The following KANK4 variants were observed in gnomAD, a reference collection of about 807,000 sequenced individuals.
The protein encoded by KANK4 is KN motif and ankyrin repeat domains 4.
Under a neutral mutation model 80.8 loss-of-function variants are expected in KANK4, and 50 were observed. The observed-to-expected ratio is 0.62, with a 90% CI of 0.49 to 0.78. KANK4 has a LOEUF of 0.78. KANK4 is among the 30% of genes least tolerant of loss of function. KANK4 has a pLI of 0.00. For missense variants in KANK4, 1,196 were observed against 1,240.1 expected, an observed-to-expected ratio of 0.96 and a Z score of 0.53; for synonymous variants, 465 against 506.9, an observed-to-expected ratio of 0.92 and a Z score of 1.11.
intron 1 of KANK4, among the ~76,000 whole-genome samples, 185 bp from the exon 2 acceptor site, chr1:62,281,819 T>C (rs535803424): frequency 1.3e-5 from 2 of 152,322 alleles, no homozygotes; most frequent in African/African-American, 2.4e-5. Context: ...TTCTGGGTGT[T>C]TCTTCATGGA....
At chr1:62,312,974 T>TC (rs397860819) in intron 1 of KANK4, among the ~76,000 whole-genome samples, 1 of 64,894 alleles carries the variant, frequency 1.5e-5, no homozygotes. Flanking sequence ...ATACAGTGGT[T>TC]CCCCCCCAAA....
At chr1:62,316,167 C>T (rs1399403189) in intron 1 of KANK4, among the ~76,000 whole-genome samples, 1 of 152,244 alleles carries the variant, frequency 6.6e-6, no homozygotes, top group African/African-American at 2.4e-5. Flanking sequence ...CAGTCTGGCC[C>T]ACATGGCCCA....
At chr1:62,318,255 A>G (rs1045153541) in intron 1 of KANK4, among the ~76,000 whole-genome samples, 5 of 152,152 alleles carry the variant, frequency 3.3e-5, no homozygotes, top group Non-Finnish European at 7.3e-5. Flanking sequence ...TTTGCCCTAA[A>G]GGCTTGCACT....
At chr1:62,301,243 G>A (rs772977803) in intron 1 of KANK4, among the ~76,000 whole-genome samples, 2 of 152,028 alleles carry the variant, frequency 1.3e-5, no homozygotes, top group African/African-American at 2.4e-5. Flanking sequence ...TCACAGATGG[G>A]GAGACTGGGA....
At chr1:62,290,486 A>G (rs188074771) in intron 1 of KANK4, among the ~76,000 whole-genome samples, 50 of 152,278 alleles carry the variant, frequency 3.3e-4, no homozygotes, top group Non-Finnish European at 5.9e-4. Flanking sequence ...AGCTCAGTAC[A>G]CCGTGTGAAG....
intron 1 of KANK4, among the ~76,000 whole-genome samples, chr1:62,288,192 A>G (rs920713977): frequency 6.6e-6 from 1 of 152,200 alleles, no homozygotes; most frequent in African/African-American, 2.4e-5. Flanking sequence ...TTTATCCACA[A>G]GAACTTTCCT....
At chr1:62,275,874 AAGGAAGGG>A (rs1557491757) in intron 2 of KANK4, among the ~76,000 whole-genome samples, 1 of 133,074 alleles carries the variant, frequency 7.5e-6, no homozygotes, top group Non-Finnish European at 1.6e-5. Flanking sequence ...GGAAGGGAGG[AAGGAAGGG>A]AGGAAGGAAG....
chr1:62,266,867 G>A (rs1441789508), intron 5 of KANK4, 48 bp from the exon 6 acceptor site: 1 of 1,204,462 alleles, frequency 8.3e-7, no homozygotes, highest in Admixed American at 1.9e-5. Flanking sequence ...TCATTTTCAA[G>A]TTGATAAACA....
chr1:62,250,314 A>T (rs1671582735), intron 8 of KANK4, among the ~76,000 whole-genome samples: 1 of 152,206 alleles, frequency 6.6e-6, no homozygotes, highest in African/African-American at 2.4e-5. Flanking sequence ...GCCAGATGAC[A>T]TATGCAGATG....
intron 2 of KANK4, among the ~76,000 whole-genome samples, chr1:62,279,191 A>AGCGCGCGCGC (rs766521694): frequency 7.2e-5 from 10 of 139,432 alleles, no homozygotes; most frequent in South Asian, 4.7e-4. Flanking sequence ...TTCCTAAGCT[A>AGCGCGCGCGC]GCGCGCGCAC....
At chr1:62,296,541 G>GT (rs1644365902) in intron 1 of KANK4, among the ~76,000 whole-genome samples, 1 of 152,068 alleles carries the variant, frequency 6.6e-6, no homozygotes, top group Non-Finnish European at 1.5e-5. Flanking sequence ...ATTTTTGGTG[G>GT]TTTTTTTGGT....
At chr1:62,291,300 T>C (rs999102642) in intron 1 of KANK4, among the ~76,000 whole-genome samples, 11 of 152,366 alleles carry the variant, frequency 7.2e-5, no homozygotes, top group Non-Finnish European at 1.5e-4. Context: ...TGTTGCTGTG[T>C]TGTACAAGTT....
At chr1:62,289,331 T>C (rs760192769) in intron 1 of KANK4, among the ~76,000 whole-genome samples, 2 of 152,196 alleles carry the variant, frequency 1.3e-5, no homozygotes, top group African/African-American at 4.8e-5. Context: ...TTTGAATCCA[T>C]GTTTTTCTGA....
At position 62,236,593 on chromosome 1, in the gene KANK4, ATTTT is replaced by A. The variant is rs11449212; in HGVS notation, c.*1680_*1683del. Among the ~76,000 whole-genome samples the A allele has an allele frequency of 9.6e-5, 12 of 124,390 alleles. No homozygotes were observed. Among genetic ancestry groups the A allele is most frequent in the Admixed American group, 1.8e-4 (2 of 11,314 alleles). 81.6% of individuals were successfully genotyped at this position (124,390 alleles called of 152,430 possible). On this transcript the variant is annotated 3_prime_UTR_variant, in exon 10 of 10. Transcript: ENST00000371153. ...ATGGCCTTAATGGGTTACAAATTGG[ATTTT>A]TTTTTTTTTTTTTTTTGAGACAGAG...
intron 1 of KANK4, among the ~76,000 whole-genome samples, chr1:62,300,921 T>A (rs970140511): frequency 5.3e-5 from 8 of 152,180 alleles, no homozygotes; most frequent in African/African-American, 1.4e-4. Flanking sequence ...TTATTTATTT[T>A]TTTTCTTGTA....
intron 1 of KANK4, among the ~76,000 whole-genome samples, chr1:62,305,834 A>G (rs1644447215): frequency 6.6e-6 from 1 of 152,182 alleles, no homozygotes; most frequent in South Asian, 2.1e-4. Flanking sequence ...TGCTTTGAAC[A>G]CATTCACATT....
chr1:62,245,445 T>G (rs528948032), intron 9 of KANK4, among the ~76,000 whole-genome samples: 4 of 151,822 alleles, frequency 2.6e-5, no homozygotes, highest in Non-Finnish European at 5.9e-5. Flanking sequence ...CTTTGGGTAG[T>G]TTAAATGTGG....
Position 62,270,916 on chromosome 1 carries a change from C to T in KANK4, c.2012+562G>A, listed in dbSNP as rs138654052. Among the ~76,000 whole-genome samples the T allele has an allele frequency of 5.2e-3, 799 of 152,238 alleles. 21 individuals carry two copies. Among genetic ancestry groups the T allele is most frequent in the Admixed American group, 0.048 (736 of 15,284 alleles). On this transcript the variant is annotated intron_variant, in intron 4 of 9. Coordinates refer to ENST00000371153, the MANE Select transcript of KANK4 (RefSeq NM_181712.5). Reference sequence around the variant, plus strand: ...ACCTTTATTTATTTGACTTTTTAATCTCCACGACCGAGCACACTGTTGGCA... The same window carrying T: ...ACCTTTATTTATTTGACTTTTTAATTTCCACGACCGAGCACACTGTTGGCA...
At chr1:62,241,191 G>T (rs1038741691) in intron 9 of KANK4, among the ~76,000 whole-genome samples, 1 of 152,162 alleles carries the variant, frequency 6.6e-6, no homozygotes, top group Non-Finnish European at 1.5e-5. Flanking sequence ...CATGCACGGG[G>T]ATAGAATCCA....
Sources: gnomAD v4.1 joint callset for allele counts (sites outside exome capture counted in the v4.1 genomes callset) on GRCh38, gnomAD v4.1.1 for gene constraint, MANE v1.5 for transcripts, NCBI Gene and HGNC (gene_info 2026-07-23, HGNC 2026-07-21) for gene names.